GASK1B: variants seen among roughly 807,000 people sequenced by gnomAD.
GASK1B encodes the protein Golgi-associated kinase 1B.
A neutral mutation model predicts 42.8 loss-of-function variants in GASK1B; 34 were observed. The ratio of observed to expected loss-of-function variants is 0.79; its 90% CI spans 0.60 to 1.06. GASK1B has a LOEUF of 1.06. GASK1B is among the 50% of genes least tolerant of loss of function. The pLI, the probability that GASK1B is intolerant of heterozygous loss-of-function variation, is 0.00. For missense variants in GASK1B, 686 were observed against 661.0 expected, an observed-to-expected ratio of 1.04 and a Z score of -0.42; for synonymous variants, 262 against 259.1, an observed-to-expected ratio of 1.01 and a Z score of -0.11.
chr4:158,135,318 C>T (rs543998023), intron 3 of GASK1B, among the ~76,000 whole-genome samples: 138 of 90,032 alleles, frequency 1.5e-3, no homozygotes, highest in African/African-American at 6.1e-3. Flanking sequence ...GAGACTCCGT[C>T]TCAAAAAAAA....
Position 158,127,199 on chromosome 4 carries a change from T to A in GASK1B, c.*208A>T, listed in dbSNP as rs1447670714. Reference sequence around the variant, plus strand: ...GATGTTAGAGAAAAATATAAACAAATATTTCTCAAGTAGTTTGTTTTTCAA... The same window carrying A: ...GATGTTAGAGAAAAATATAAACAAAAATTTCTCAAGTAGTTTGTTTTTCAA... On this transcript the variant is annotated 3_prime_UTR_variant, in exon 5 of 5. Transcript: ENST00000585682. The A allele has an allele frequency of 4.9e-6, 2 of 411,446 alleles. No individual in the cohort carries two copies. Among genetic ancestry groups the A allele is most frequent in the Non-Finnish European group, 8.6e-6 (2 of 231,668 alleles). The allele number at this position is 411,446 out of a possible 1,614,324, so 25.5% of individuals were successfully genotyped here.
chr4:158,153,077 T>C (rs1383869218), intron 3 of GASK1B, among the ~76,000 whole-genome samples: 1 of 152,128 alleles, frequency 6.6e-6, no homozygotes, highest in Non-Finnish European at 1.5e-5. Flanking sequence ...TTCACTATTA[T>C]ATAATTGTAT....
chr4:158,135,788 G>A (rs902229136), intron 3 of GASK1B, among the ~76,000 whole-genome samples: 13 of 152,130 alleles, frequency 8.5e-5, no homozygotes, highest in Admixed American at 5.9e-4. Context: ...AAGAACTTCC[G>A]TAGGATTTCA....
intron 3 of GASK1B, among the ~76,000 whole-genome samples, chr4:158,136,693 G>C (rs889172868): frequency 1.4e-4 from 21 of 152,150 alleles, no homozygotes; most frequent in Admixed American, 1.0e-3. Context: ...GTGTATGTAG[G>C]TGTGTGTGTT....
At chr4:158,140,115 A>G (rs1358954656) in intron 3 of GASK1B, among the ~76,000 whole-genome samples, 2 of 152,240 alleles carry the variant, frequency 1.3e-5, no homozygotes, top group African/African-American at 4.8e-5. Context: ...ATGCTAAAGC[A>G]TCAACAGATT....
chr4:158,139,501 A>G (rs188739513), intron 3 of GASK1B, among the ~76,000 whole-genome samples: 153 of 152,316 alleles, frequency 1.0e-3, no homozygotes, highest in African/African-American at 3.4e-3. Flanking sequence ...TAGATCTTAT[A>G]TAGACAAAAG....
At chr4:158,168,350 G>C (rs148344264) in intron 2 of GASK1B, 237 of 152,240 alleles carry the variant, frequency 1.6e-3, no homozygotes, top group African/African-American at 5.5e-3. Flanking sequence ...ATATCTAAGA[G>C]GGATTGGGAT....
At chr4:158,130,615 G>A (rs1430810026) in intron 4 of GASK1B, among the ~76,000 whole-genome samples, 171 bp downstream of exon 4, 1 of 152,124 alleles carries the variant, frequency 6.6e-6, no homozygotes, top group East Asian at 1.9e-4. Context: ...CTGCACTCTG[G>A]TTCTGTTCTT....
chr4:158,162,018 G>A (rs1008078723), intron 2 of GASK1B, among the ~76,000 whole-genome samples: 11 of 151,992 alleles, frequency 7.2e-5, no homozygotes, highest in Middle Eastern at 3.2e-3. Flanking sequence ...TTGTTTTTCC[G>A]AACTATTTGC....
rs772387077 is a variant in GASK1B at position 158,171,094 on chromosome 4, C to G, written c.282G>C (p.Glu94Asp). 1.2e-6 allele frequency: 2 copies of G among 1,609,768 alleles called. No individual in the cohort carries two copies. The highest frequency in any genetic ancestry group is 1.7e-6 in the Non-Finnish European group (2 of 1,176,642). Residue 94 changes from glutamate (E) to aspartate (D), a missense_variant, in exon 2 of 5, where the codon GAG (glutamate) becomes GAC (aspartate). Coordinates refer to ENST00000585682, the MANE Select transcript of GASK1B (RefSeq NM_001128424.2). ...GCAGAGTGGACCCATTGCCCTGGGA[C>G]TCTGGAGGGGCCAGGGTACCATCCA... The part of the protein sequence containing the change: ...IPLDGTLAPP[E>D]SQGNGSTLQP...
intron 4 of GASK1B, among the ~76,000 whole-genome samples, chr4:158,129,184 A>C (rs954548548): frequency 3.3e-5 from 5 of 152,234 alleles, no homozygotes; most frequent in African/African-American, 1.2e-4. Context: ...TAATGCATTT[A>C]AATGTAAATC....
chr4:158,139,231 T>G (rs149239397), intron 3 of GASK1B, among the ~76,000 whole-genome samples: 152 of 152,316 alleles, frequency 1.0e-3, no homozygotes, highest in African/African-American at 3.3e-3. Flanking sequence ...GATTACAACT[T>G]AATGCCTCTA....
intron 2 of GASK1B, chr4:158,169,989 T>G: frequency 2.0e-6 from 1 of 492,374 alleles, no homozygotes. Flanking sequence ...AAACCTAACA[T>G]GGTCTGGCTC....
At chr4:158,156,222 T>A (rs1731754849) in intron 2 of GASK1B, among the ~76,000 whole-genome samples, 3 of 152,196 alleles carry the variant, frequency 2.0e-5, no homozygotes, top group Non-Finnish European at 4.4e-5. Flanking sequence ...GGAGCTGCTC[T>A]TTATTTGTAA....
chr4:158,133,137 TTTAAG>T (rs1244124686), intron 3 of GASK1B, among the ~76,000 whole-genome samples: 4 of 152,318 alleles, frequency 2.6e-5, no homozygotes, highest in Admixed American at 2.6e-4. Context: ...TTGCCAATTA[TTTAAG>T]TTAAGGTCAG....
intron 3 of GASK1B, among the ~76,000 whole-genome samples, chr4:158,142,825 A>C (rs957758305): frequency 6.6e-6 from 1 of 152,236 alleles, no homozygotes; most frequent in Non-Finnish European, 1.5e-5. Context: ...AAGGCACCAC[A>C]AAAGTGTAAC....
At chr4:158,172,639 A>C (rs1732605594) in intron 1 of GASK1B, 1 of 152,234 alleles carries the variant, frequency 6.6e-6, no homozygotes, top group Non-Finnish European at 1.5e-5. Context: ...TTTTCATTCA[A>C]ATAAATTTCC....
intron 3 of GASK1B, among the ~76,000 whole-genome samples, chr4:158,153,647 TA>T (rs1215767316): frequency 6.6e-5 from 10 of 151,982 alleles, no homozygotes; most frequent in African/African-American, 2.2e-4. Flanking sequence ...GATACTGGTA[TA>T]AAAACAGGCA....
intron 2 of GASK1B, among the ~76,000 whole-genome samples, chr4:158,167,408 A>G (rs1029129011): frequency 1.3e-5 from 2 of 152,212 alleles, no homozygotes; most frequent in South Asian, 2.1e-4. Flanking sequence ...AACATTTTTT[A>G]TTACCTCCAC....
Sources: allele counts gnomAD v4.1 joint callset (sites outside exome capture counted in the v4.1 genomes callset), GRCh38; gene constraint gnomAD v4.1.1; transcripts MANE v1.5; gene names NCBI Gene and HGNC (gene_info 2026-07-23, HGNC 2026-07-21).